Variants in PLEKHA7 observed in about 807,000 individuals in gnomAD.
The protein encoded by PLEKHA7 is pleckstrin homology domain-containing family A member 7.
A neutral mutation model predicts 170.0 loss-of-function variants in PLEKHA7; 104 were observed. The observed-to-expected ratio is 0.61, with a 90% CI of 0.52 to 0.72. The LOEUF is 0.72. PLEKHA7 is among the 30% of genes least tolerant of loss of function. The pLI, the probability that PLEKHA7 is intolerant of heterozygous loss-of-function variation, is 0.00. For synonymous variants in PLEKHA7, 648 were observed against 660.8 expected, an observed-to-expected ratio of 0.98 and a Z score of 0.30; for missense variants, 1,615 against 1,671.7, an observed-to-expected ratio of 0.97 and a Z score of 0.59.
intron 3 of PLEKHA7, among the ~76,000 whole-genome samples, chr11:16,910,252 A>T (rs958514146): frequency 6.6e-6 from 1 of 152,228 alleles, no homozygotes; most frequent in African/African-American, 2.4e-5. Flanking sequence ...TATCATAATC[A>T]GATAAGGAAA....
intron 3 of PLEKHA7, among the ~76,000 whole-genome samples, chr11:16,933,640 A>G (rs1169776246): frequency 6.6e-6 from 1 of 152,204 alleles, no homozygotes; most frequent in Non-Finnish European, 1.5e-5. Flanking sequence ...AGGTGTTAAA[A>G]TTGATCAAGA....
chr11:16,905,437 A>G (rs1223095914), intron 3 of PLEKHA7, among the ~76,000 whole-genome samples: 1 of 151,944 alleles, frequency 6.6e-6, no homozygotes, highest in Admixed American at 6.5e-5. Context: ...TTTTAATTCT[A>G]TACTTTCCTC....
intron 8 of PLEKHA7, among the ~76,000 whole-genome samples, chr11:16,841,999 A>G (rs542099163): frequency 6.6e-6 from 1 of 152,306 alleles, no homozygotes; most frequent in African/African-American, 2.4e-5. Flanking sequence ...GCACAAAGTC[A>G]AGGCTTATGT....
intron 13 of PLEKHA7, among the ~76,000 whole-genome samples, chr11:16,804,890 G>C (rs571981770): frequency 3.2e-5 from 4 of 125,964 alleles, no homozygotes; most frequent in Non-Finnish European, 5.5e-5. Flanking sequence ...CCTGCAATGC[G>C]GGGGGGGCGG....
chr11:16,921,408 CA>C, intron 3 of PLEKHA7, among the ~76,000 whole-genome samples: 1 of 152,208 alleles, frequency 6.6e-6, no homozygotes, highest in Non-Finnish European at 1.5e-5. Flanking sequence ...CCATCAGCCC[CA>C]CAGACCCTAT....
At chr11:16,878,474 G>A (rs928803812) in intron 3 of PLEKHA7, among the ~76,000 whole-genome samples, 2 of 152,118 alleles carry the variant, frequency 1.3e-5, no homozygotes, top group Admixed American at 6.6e-5. Flanking sequence ...TTCCATCTTC[G>A]TCTAGTACCA....
At chr11:16,859,783 G>A (rs1203280222) in intron 4 of PLEKHA7, among the ~76,000 whole-genome samples, 1 of 152,240 alleles carries the variant, frequency 6.6e-6, no homozygotes, top group Non-Finnish European at 1.5e-5. Flanking sequence ...CCCCCGAGCT[G>A]AGCAACCTTG....
chr11:16,867,706 C>T (rs910939596), intron 4 of PLEKHA7, among the ~76,000 whole-genome samples: 3 of 152,140 alleles, frequency 2.0e-5, no homozygotes, highest in African/African-American at 7.2e-5. Flanking sequence ...TGCAGCCCCC[C>T]TCTTCAACCG....
At chr11:16,823,992 A>T (rs1850440159) in intron 10 of PLEKHA7, among the ~76,000 whole-genome samples, 1 of 152,228 alleles carries the variant, frequency 6.6e-6, no homozygotes, top group Non-Finnish European at 1.5e-5. Context: ...TGTTAAGTGA[A>T]ATATGCCAGG....
At chr11:16,836,587 C>T (rs1851527145) in intron 9 of PLEKHA7, among the ~76,000 whole-genome samples, 1 of 152,216 alleles carries the variant, frequency 6.6e-6, no homozygotes, top group Non-Finnish European at 1.5e-5. Flanking sequence ...AACTGGAAGA[C>T]AGGCAAGATT....
At chr11:16,922,552 C>A (rs1313144610) in intron 3 of PLEKHA7, among the ~76,000 whole-genome samples, 2 of 152,186 alleles carry the variant, frequency 1.3e-5, no homozygotes, top group Non-Finnish European at 2.9e-5. Context: ...GCTTCTTTTC[C>A]CTTCACCAGA....
At chr11:16,969,790 A>G (rs1862597566) in intron 3 of PLEKHA7, among the ~76,000 whole-genome samples, 1 of 152,232 alleles carries the variant, frequency 6.6e-6, no homozygotes, top group Admixed American at 6.5e-5. Context: ...AGAGTCCAAC[A>G]GTGCCAAGGC....
At chr11:16,926,246 T>C (rs530360789) in intron 3 of PLEKHA7, among the ~76,000 whole-genome samples, 12 of 152,332 alleles carry the variant, frequency 7.9e-5, no homozygotes, top group Non-Finnish European at 1.8e-4. Flanking sequence ...AAGGAGACCA[T>C]ACCCTCTGGC....
intron 4 of PLEKHA7, among the ~76,000 whole-genome samples, chr11:16,857,888 T>C (rs1853604655): frequency 6.6e-6 from 1 of 152,198 alleles, no homozygotes; most frequent in Admixed American, 6.5e-5. Flanking sequence ...CCAGCTATTT[T>C]TTGTGTTTTT....
intron 3 of PLEKHA7, among the ~76,000 whole-genome samples, chr11:16,913,968 T>C (rs984248998): frequency 1.4e-4 from 21 of 152,252 alleles, no homozygotes; most frequent in African/African-American, 4.8e-4. Context: ...AATATTTTTA[T>C]GTATTTTAGG....
In PLEKHA7 at chr11:16,936,594, G is replaced by A. The variant is rs889468117; in HGVS notation, c.222-65412C>T. Among the ~76,000 whole-genome samples, 17 of 152,190 alleles carry A rather than the reference G, an allele frequency of 1.1e-4. 1 individual carries two copies. In the South Asian group the frequency reaches 1.9e-3, roughly 17 times the overall value. On this transcript the variant is annotated intron_variant, in intron 3 of 26. Coordinates refer to ENST00000531066, the MANE Select transcript of PLEKHA7 (RefSeq NM_001329630.2). The stretch of plus-strand genomic sequence containing the variant: ...TCCAATTATATTCCTGGAGACACCC[G>A]AATCATGCCTCTTCTCTCCCTTTCT...
intron 3 of PLEKHA7, among the ~76,000 whole-genome samples, chr11:16,981,919 C>T (rs1354537479): frequency 6.6e-6 from 1 of 152,166 alleles, no homozygotes; most frequent in South Asian, 2.1e-4. Context: ...GCACCAGAAA[C>T]ACTGCTCTGT....
In PLEKHA7 at chr11:16,777,528, G is replaced by A. The variant is rs1474507975; in HGVS notation, c.*1470C>T. On this transcript the variant is annotated 3_prime_UTR_variant, in exon 27 of 27. Coordinates refer to ENST00000531066, the MANE Select transcript of PLEKHA7 (RefSeq NM_001329630.2). ...TTCAAAATTCTATTTTTTTTTCTGA[G>A]CATAGTCAAAGAGAAATTTTCATTT... The A allele has an allele frequency of 6.6e-6, 1 of 151,960 alleles. No individual in the cohort carries two copies. Among genetic ancestry groups the A allele is most frequent in the Non-Finnish European group, 1.5e-5 (1 of 67,984 alleles). The allele number at this position is 151,960 out of a possible 1,614,324, so 9.4% of individuals were successfully genotyped here.
At chr11:16,926,878 T>C (rs1859587988) in intron 3 of PLEKHA7, among the ~76,000 whole-genome samples, 2 of 152,198 alleles carry the variant, frequency 1.3e-5, no homozygotes, top group South Asian at 4.1e-4. Context: ...CCCTGATCCA[T>C]GGCTGTCCTA....
Sources: allele counts gnomAD v4.1 joint callset (sites outside exome capture counted in the v4.1 genomes callset), GRCh38; gene constraint gnomAD v4.1.1; transcripts MANE v1.5; gene names NCBI Gene and HGNC (gene_info 2026-07-23, HGNC 2026-07-21).